Variants in PTBP3 observed in about 807,000 individuals in gnomAD.
PTBP3 encodes the protein polypyrimidine tract-binding protein 3.
A neutral mutation model predicts 58.7 loss-of-function variants in PTBP3; 20 were observed. The observed-to-expected ratio is 0.34, with a 90% CI of 0.24 to 0.50. The LOEUF (loss-of-function observed/expected upper bound fraction) is 0.50, where lower values mean the gene tolerates loss of function less well. Among genes scored for constraint, PTBP3 ranks in the 20% least tolerant of loss-of-function variants. The pLI is 0.98. For missense variants in PTBP3, 509 were observed against 637.2 expected (o/e 0.80, Z 2.17); for synonymous variants, 185 against 219.8 (o/e 0.84, Z 1.40).
At chr9:112,297,087 A>C (rs1482261886) in intron 2 of PTBP3, among the ~76,000 whole-genome samples, 2 of 152,182 alleles carry the variant, frequency 1.3e-5, no homozygotes, top group Non-Finnish European at 2.9e-5. Context: ...ACGGCCACTA[A>C]ATTTCAAGAA....
In PTBP3 at chr9:112,221,833, A is replaced by G. The variant is rs1426920750; in HGVS notation, c.*2018T>C. ...TCTCTTGCAGTCTCTATTTTTTGGT[A>G]AAATTTCTTCTGTAAAAACCTCCCT... On this transcript the variant is annotated 3_prime_UTR_variant, in exon 14 of 14. Coordinates refer to ENST00000374257, the MANE Select transcript of PTBP3 (RefSeq NM_001163788.4). 1 of 984,842 alleles carries G rather than the reference A, an allele frequency of 1.0e-6. No individual in the cohort carries two copies. The highest frequency in any genetic ancestry group is 1.1e-4 in the East Asian group (1 of 8,836). 61.0% of individuals were successfully genotyped at this position (984,842 alleles called of 1,614,324 possible).
chr9:112,347,442 G>C, the PTBP3 span, among the ~76,000 whole-genome samples: 1 of 150,828 alleles, frequency 6.6e-6, no homozygotes, highest in Non-Finnish European at 1.5e-5. Flanking sequence ...CCTGGGCTCA[G>C]ATGATCCTCC....
intron 1 of PTBP3, among the ~76,000 whole-genome samples, chr9:112,311,872 C>A (rs1276072440): frequency 1.3e-5 from 2 of 152,154 alleles, no homozygotes; most frequent in East Asian, 3.8e-4. Context: ...CATCAGAGCC[C>A]AGGACGTTGG....
At chr9:112,303,906 C>A (rs940885968) in intron 1 of PTBP3, among the ~76,000 whole-genome samples, 1 of 151,558 alleles carries the variant, frequency 6.6e-6, no homozygotes, top group South Asian at 2.1e-4. Flanking sequence ...GTGGCTCACA[C>A]CTGTAATCCC....
At chr9:112,261,785 A>G (rs1372005445) in intron 5 of PTBP3, among the ~76,000 whole-genome samples, 1 of 152,258 alleles carries the variant, frequency 6.6e-6, no homozygotes, top group Non-Finnish European at 1.5e-5. Context: ...GGGAAATTAC[A>G]TCAGGAAGCT....
rs1345790857 is a variant in PTBP3, at chr9:112,316,518, A to C, written c.-52+16952T>G. ...TCCCTGGAAGATGACTGCAGCACCC[A>C]CCAGCACCTTGTAAAAGTTCTAGAA... On this transcript the variant is annotated intron_variant, in intron 1 of 13. Coordinates refer to ENST00000374257, the MANE Select transcript of PTBP3 (RefSeq NM_001163788.4). Among the ~76,000 whole-genome samples the C allele has an allele frequency of 2.0e-5, 3 of 152,320 alleles. No individual in the cohort carries two copies. In the South Asian group the frequency reaches 6.2e-4, roughly 32 times the overall value.
chr9:112,298,187 C>T lies in PTBP3; in HGVS notation c.-51-271G>A, dbSNP rs141762060. 3.3e-5 allele frequency among the ~76,000 whole-genome samples: 5 copies of T among 152,280 alleles called. No individual in the cohort carries two copies. The East Asian group carries it at 9.6e-4, about 29-fold the overall frequency. ...AACGCAGGTTTCCAAAACATAACAT[C>T]TGAAAGTGCCAAACCATATTTAGGG... On this transcript the variant is annotated intron_variant, in intron 1 of 13. Coordinates refer to ENST00000374257, the MANE Select transcript of PTBP3 (RefSeq NM_001163788.4).
chr9:112,221,330 A>T lies in PTBP3; in HGVS notation c.*2521T>A. 2 of 985,842 alleles carry T rather than the reference A, an allele frequency of 2.0e-6. No individual in the cohort carries two copies. The highest frequency in any genetic ancestry group is 2.4e-6 in the Non-Finnish European group (2 of 829,908). The allele number at this position is 985,842 out of a possible 1,614,324, so 61.1% of individuals were successfully genotyped here. On this transcript the variant is annotated 3_prime_UTR_variant, in exon 14 of 14. Coordinates refer to ENST00000374257, the MANE Select transcript of PTBP3 (RefSeq NM_001163788.4). ...CTACACAAATCCCTGAAAAGGATTC[A>T]AATGTTCTCTCTCAGACTTAAAAGG... is the stretch of plus-strand genomic sequence containing the variant.
intron 1 of PTBP3, among the ~76,000 whole-genome samples, chr9:112,327,020 C>T (rs193106003): frequency 1.4e-4 from 21 of 151,634 alleles, no homozygotes; most frequent in African/African-American, 4.1e-4. Context: ...GGGTTCAACA[C>T]CAGCCTGGAC....
intron 5 of PTBP3, among the ~76,000 whole-genome samples, chr9:112,254,252 C>A (rs1206553032): frequency 6.6e-6 from 1 of 152,142 alleles, no homozygotes; most frequent in African/African-American, 2.4e-5. Flanking sequence ...TTCCGAAGTG[C>A]TGGGATTACA....
chr9:112,332,929 C>T, intron 1 of PTBP3: 9 of 1,539,918 alleles, frequency 5.8e-6, no homozygotes, highest in South Asian at 2.5e-5. Context: ...AGTCCCGCGG[C>T]GGCCCTGGGA....
the PTBP3 span, among the ~76,000 whole-genome samples, chr9:112,339,050 A>G: frequency 6.6e-6 from 1 of 152,168 alleles, no homozygotes; most frequent in East Asian, 1.9e-4. Context: ...AGAATTTTTA[A>G]TGAAACAGCC....
At chr9:112,270,324 T>A (rs1827322543) in intron 3 of PTBP3, among the ~76,000 whole-genome samples, 1 of 152,246 alleles carries the variant, frequency 6.6e-6, no homozygotes, top group Admixed American at 6.5e-5. Context: ...AGGTATTTCC[T>A]GTATTTTACA....
chr9:112,322,134 C>CAAAAAAAAA (rs149553072), intron 1 of PTBP3, among the ~76,000 whole-genome samples: 5 of 68,310 alleles, frequency 7.3e-5, no homozygotes, highest in African/African-American at 2.6e-4. Flanking sequence ...GACTCCATCT[C>CAAAAAAAAA]AAAAAAAAAA....
intron 5 of PTBP3, 119 bp downstream of exon 5, chr9:112,262,316 C>A: frequency 1.2e-6 from 1 of 854,928 alleles, no homozygotes; most frequent in South Asian, 3.2e-5. Flanking sequence ...AAGTTTTTTT[C>A]ATTATTTAAA....
chr9:112,262,469 A>G lies in PTBP3; in HGVS notation c.482T>C (p.Leu161Pro). The change falls in exon 5 of 14, where the codon CTC (leucine) becomes CCC (proline). Residue 161 changes from leucine to proline, a missense_variant. Leu to Pro is a moderately conservative substitution (Grantham distance 98). Transcript: ENST00000374257. The part of the protein sequence containing the change: ...SPVLRIIIEN[L>P]FYPVTLEVLH... ...AACTTCCAGGGTAACAGGGTAAAAG[A>G]GGTTTTCAATAATTATTCGAAGCAC... 1 of 1,609,822 alleles carries G rather than the reference A, an allele frequency of 6.2e-7. No individual in the cohort carries two copies. Among genetic ancestry groups the G allele is most frequent in the Non-Finnish European group, 8.5e-7 (1 of 1,178,628 alleles).
the PTBP3 span, among the ~76,000 whole-genome samples, chr9:112,368,368 G>A: frequency 2.0e-5 from 3 of 151,968 alleles, no homozygotes; most frequent in South Asian, 2.1e-4. Context: ...ACAGGGTTTC[G>A]CCATGTTGGC....
At chr9:112,347,536 T>C in the PTBP3 span, among the ~76,000 whole-genome samples, 1 of 152,004 alleles carries the variant, frequency 6.6e-6, no homozygotes, top group Admixed American at 6.6e-5. Flanking sequence ...GGAAACAGGG[T>C]TCTGCCGTGT....
intron 1 of PTBP3, among the ~76,000 whole-genome samples, chr9:112,322,254 C>G (rs1377764109): frequency 6.6e-6 from 1 of 151,916 alleles, no homozygotes; most frequent in Non-Finnish European, 1.5e-5. Context: ...ATAGTCTTAT[C>G]CTGATGTTTT....
Sources: allele counts gnomAD v4.1 joint callset (sites outside exome capture counted in the v4.1 genomes callset), GRCh38; gene constraint gnomAD v4.1.1; transcripts MANE v1.5; gene names NCBI Gene and HGNC (gene_info 2026-07-23, HGNC 2026-07-21).